NIN: variants seen among roughly 807,000 people sequenced by gnomAD.
NIN encodes the protein ninein.
Under a neutral mutation model 257.6 loss-of-function variants are expected in NIN, and 137 were observed. The ratio of observed to expected loss-of-function variants is 0.53; its 90% CI spans 0.46 to 0.61. NIN has a LOEUF of 0.61. Among genes scored for constraint, NIN ranks in the 20% least tolerant of loss-of-function variants. The pLI is 0.00. For missense variants in NIN, 2,439 were observed against 2,501.2 expected, an observed-to-expected ratio of 0.98 and a Z score of 0.53; for synonymous variants, 918 against 919.8, an observed-to-expected ratio of 1.00 and a Z score of 0.04.
chr14:50,817,526 T>C (rs1322246199), intron 3 of NIN, among the ~76,000 whole-genome samples: 2 of 152,208 alleles, frequency 1.3e-5, no homozygotes, highest in Admixed American at 6.5e-5. Flanking sequence ...AATTTCAACA[T>C]GTCTTTGATT....
At chr14:50,817,747 C>T (rs773997552) in intron 3 of NIN, among the ~76,000 whole-genome samples, 1 of 152,110 alleles carries the variant, frequency 6.6e-6, no homozygotes, top group South Asian at 2.1e-4. Context: ...AACGGAATCT[C>T]GCTCTGTCGC....
chr14:50,790,112 T>C (rs1428391530), intron 5 of NIN, among the ~76,000 whole-genome samples: 1 of 152,168 alleles, frequency 6.6e-6, no homozygotes, highest in Non-Finnish European at 1.5e-5. Context: ...TGGAGTGCAG[T>C]GGCACGATCT....
intron 24 of NIN, 158 bp from the exon 25 acceptor site, chr14:50,741,886 A>G: frequency 1.5e-6 from 1 of 656,614 alleles, no homozygotes; most frequent in Non-Finnish European, 2.6e-6. Context: ...AACCTAGGAC[A>G]GTAGGTATAT....
chr14:50,792,862 C>T lies in NIN; in HGVS notation c.285G>A (p.Gln95=), dbSNP rs1166723017. 1 of 1,614,210 alleles carries T rather than the reference C, an allele frequency of 6.2e-7. No individual in the cohort carries two copies. The highest frequency in any genetic ancestry group is 1.7e-5 in the Admixed American group (1 of 60,022). ...GCTTCCCACCTCTAACATATTTGGG[C>T]TGAGCTTCTAGTGAGCAGTCTGAGA... ...FQEPDCSLEA[Q]PKYVRGGKRY... is the part of the protein sequence containing the mutation. The change falls in exon 5 of 31, where the codon CAG becomes CAA. Residue 95 remains glutamine (Q), a synonymous_variant. Coordinates refer to ENST00000530997, the MANE Select transcript of NIN (RefSeq NM_020921.4).
Position 50,757,277 on chromosome 14 carries a change from C to T in NIN, c.3753G>A (p.Leu1251=), listed in dbSNP as rs774562847. Residue 1251 remains leucine (L), a synonymous_variant, in exon 18 of 31, where the codon TTG becomes TTA. Transcript: ENST00000530997. ...CATTTTCTCGGCTCACATCTTCATA[C>T]AACAGCTTATATTTGGGAGAAGCCT... ...IPEASPKYKL[L]YEDVSRENDC... 3.8e-5 allele frequency: 61 copies of T among 1,614,050 alleles called. No homozygotes were observed. Among genetic ancestry groups the T allele is most frequent in the Non-Finnish European group, 4.9e-5 (58 of 1,180,040 alleles).
intron 15 of NIN, among the ~76,000 whole-genome samples, chr14:50,762,439 T>A (rs1406019767): frequency 6.6e-6 from 1 of 152,206 alleles, no homozygotes; most frequent in Non-Finnish European, 1.5e-5. Flanking sequence ...TCCTATGAAT[T>A]TCCTAGAGTG....
intron 12 of NIN, among the ~76,000 whole-genome samples, chr14:50,770,005 GA>G (rs2042664773): frequency 6.6e-6 from 1 of 152,012 alleles, no homozygotes; most frequent in Non-Finnish European, 1.5e-5. Flanking sequence ...CATGTAGCAG[GA>G]GGCAAGACCA....
chr14:50,731,528 CAAAAAAA>C (rs34408175), intron 28 of NIN, among the ~76,000 whole-genome samples: 3 of 96,128 alleles, frequency 3.1e-5, no homozygotes, highest in Non-Finnish European at 6.2e-5. Context: ...GACTCCATCT[CAAAAAAA>C]AAAAAAAAAA....
rs143968393 is a variant in NIN, at chr14:50,731,400, C to T, written c.5878-1677G>A. Among the ~76,000 whole-genome samples the T allele has an allele frequency of 1.6e-4, 24 of 151,668 alleles. No individual in the cohort carries two copies. In the East Asian group the frequency reaches 3.7e-3, roughly 23 times the overall value. On this transcript the variant is annotated intron_variant, in intron 28 of 30. Transcript: ENST00000530997. ...CAAAAATTACCCAGGCATGGTGGCA[C>T]GTCGCCTTTGGTCCCAGCTACTCGG...
intron 3 of NIN, among the ~76,000 whole-genome samples, chr14:50,818,653 A>T (rs77539721): frequency 6.6e-6 from 1 of 152,216 alleles, no homozygotes; most frequent in Admixed American, 6.5e-5. Context: ...AACTCTTTTC[A>T]TAACCTAGTG....
At chr14:50,822,205 C>T in intron 2 of NIN, 128 bp from the exon 3 acceptor site, 1 of 673,572 alleles carries the variant, frequency 1.5e-6, no homozygotes, top group South Asian at 1.8e-5. Context: ...CACCCAGTTT[C>T]TGATGCACCC....
chr14:50,797,334 C>T lies in NIN; in HGVS notation c.266-4453G>A, dbSNP rs149881036. On this transcript the variant is annotated intron_variant, in intron 4 of 30. Coordinates refer to ENST00000530997, the MANE Select transcript of NIN (RefSeq NM_020921.4). ...CTGGTATTCTCATTTTGGAATTGCTCGCATAGGACTTTGCTTTCTATGTCC... is the reference window on the plus strand; with the variant it reads ...CTGGTATTCTCATTTTGGAATTGCTTGCATAGGACTTTGCTTTCTATGTCC... 1.6e-3 allele frequency among the ~76,000 whole-genome samples: 247 copies of T among 152,262 alleles called. 2 individuals carry two copies. The highest frequency in any genetic ancestry group is 0.01 in the Middle Eastern group (3 of 294).
chr14:50,759,716 C>T, intron 17 of NIN, 141 bp downstream of exon 17: 2 of 833,896 alleles, frequency 2.4e-6, no homozygotes, highest in South Asian at 1.7e-5. Flanking sequence ...GTCTCGATCT[C>T]CTGACCTCGT....
chr14:50,778,830 G>A (rs371054288), intron 5 of NIN, 26 bp from the exon 6 acceptor site: 3 of 1,612,868 alleles, frequency 1.9e-6, no homozygotes, highest in African/African-American at 2.7e-5. Flanking sequence ...GAAGATTAGT[G>A]TGCTTTAGAA....
intron 12 of NIN, among the ~76,000 whole-genome samples, chr14:50,769,241 A>C (rs1200280268): frequency 1.3e-5 from 2 of 152,220 alleles, no homozygotes; most frequent in Non-Finnish European, 2.9e-5. Context: ...ATTAGGAAAC[A>C]GGCTGAGGAA....
Position 50,721,814 on chromosome 14 carries a change from G to C in NIN, c.*1649C>G, listed in dbSNP as rs947896915. 4.5e-6 allele frequency: 1 copy of C among 223,878 alleles called. No individual in the cohort carries two copies. Among genetic ancestry groups the C allele is most frequent in the Non-Finnish European group, 8.9e-6 (1 of 112,168 alleles). The allele number at this position is 223,878 out of a possible 1,614,324, so 13.9% of individuals were successfully genotyped here. A position where few individuals can be genotyped will look rare whatever the true frequency, so the allele number is the denominator to read the frequency against. On this transcript the variant is annotated 3_prime_UTR_variant, in exon 31 of 31. Coordinates refer to ENST00000530997, the MANE Select transcript of NIN (RefSeq NM_020921.4). The stretch of plus-strand genomic sequence containing the variant: ...CCACAAAAAACAGTGCCTTGTCAAG[G>C]CTCTTGTAGTGAGGCCTCCTGGGTT...
chr14:50,761,320 C>G (rs1269259989), intron 16 of NIN, among the ~76,000 whole-genome samples: 1 of 152,096 alleles, frequency 6.6e-6, no homozygotes, highest in South Asian at 2.1e-4. Context: ...ACAGCACAAG[C>G]AAAAGAGGAC....
intron 7 of NIN, among the ~76,000 whole-genome samples, chr14:50,774,031 G>A (rs748353261): frequency 3.9e-5 from 6 of 152,224 alleles, no homozygotes; most frequent in Non-Finnish European, 8.8e-5. Context: ...TGTACAAAAT[G>A]GAAATCTCTT....
At chr14:50,755,022 G>A (rs1413684635) in intron 18 of NIN, among the ~76,000 whole-genome samples, 155 bp from the exon 19 acceptor site, 1 of 152,180 alleles carries the variant, frequency 6.6e-6, no homozygotes, top group East Asian at 1.9e-4. Context: ...ATCGAGTTAT[G>A]ACATATTGAC....
Sources: gnomAD v4.1 joint callset for allele counts (sites outside exome capture counted in the v4.1 genomes callset) on GRCh38, gnomAD v4.1.1 for gene constraint, MANE v1.5 for transcripts, NCBI Gene and HGNC (gene_info 2026-07-23, HGNC 2026-07-21) for gene names.